The following PKIA variants were observed in gnomAD, a reference collection of about 807,000 sequenced individuals.
PKIA encodes cAMP-dependent protein kinase inhibitor alpha.
Under a neutral mutation model 7.6 loss-of-function variants are expected in PKIA, and 4 were observed. The observed-to-expected ratio is 0.52, with a 90% CI of 0.26 to 1.20. The LOEUF is 1.20. PKIA is among the 50% of genes most tolerant of loss of function. The pLI is 0.13. For synonymous variants in PKIA, 21 were observed against 30.7 expected (o/e 0.68, Z 1.04); for missense variants, 73 against 86.2 (o/e 0.85, Z 0.61).
At chr8:78,518,609 G>A (rs907916115) in intron 1 of PKIA, among the ~76,000 whole-genome samples, 19 of 152,166 alleles carry the variant, frequency 1.2e-4, no homozygotes, top group East Asian at 9.6e-4. Flanking sequence ...GAGCAAGTGC[G>A]TGAGAATATC....
At chr8:78,535,872 T>C (rs1000255778) in intron 1 of PKIA, 2 of 152,118 alleles carry the variant, frequency 1.3e-5, no homozygotes, top group African/African-American at 4.8e-5. Context: ...CATCCCTGGA[T>C]TTTGGTATCT....
At chr8:78,557,762 G>A (rs774310882) in intron 1 of PKIA, among the ~76,000 whole-genome samples, 9 of 152,164 alleles carry the variant, frequency 5.9e-5, no homozygotes, top group Non-Finnish European at 1.0e-4. Flanking sequence ...AGCTATGTCA[G>A]GAACTTCAAT....
intron 1 of PKIA, among the ~76,000 whole-genome samples, chr8:78,537,941 T>G (rs1461299582): frequency 1.3e-5 from 2 of 152,000 alleles, no homozygotes; most frequent in African/African-American, 4.8e-5. Flanking sequence ...TTGTGAACCT[T>G]CTTGTCTTTC....
chr8:78,517,211 G>A (rs1809332974), intron 1 of PKIA, among the ~76,000 whole-genome samples: 1 of 151,986 alleles, frequency 6.6e-6, no homozygotes, highest in African/African-American at 2.4e-5. Flanking sequence ...TTTCTTATTC[G>A]GTATTCTCCC....
intron 1 of PKIA, among the ~76,000 whole-genome samples, chr8:78,553,520 C>G (rs774163817): frequency 1.3e-5 from 2 of 151,908 alleles, no homozygotes; most frequent in African/African-American, 2.4e-5. Context: ...ACTGCTGTCT[C>G]TTATGTAAAT....
intron 2 of PKIA, among the ~76,000 whole-genome samples, chr8:78,577,426 T>G (rs1807699843): frequency 6.6e-6 from 1 of 151,642 alleles, no homozygotes; most frequent in Non-Finnish European, 1.5e-5. Context: ...AAATAATCTA[T>G]GAAACAAATC....
intron 1 of PKIA, among the ~76,000 whole-genome samples, chr8:78,541,357 G>T (rs1036293281): frequency 7.2e-5 from 11 of 152,044 alleles, no homozygotes; most frequent in African/African-American, 2.7e-4. Flanking sequence ...CCACCTCAAA[G>T]AAGTATGAGG....
intron 1 of PKIA, among the ~76,000 whole-genome samples, chr8:78,568,408 A>G (rs1473696157): frequency 6.6e-6 from 1 of 152,180 alleles, no homozygotes; most frequent in Non-Finnish European, 1.5e-5. Flanking sequence ...GTATATAGTC[A>G]AACTTCAATT....
intron 1 of PKIA, among the ~76,000 whole-genome samples, chr8:78,564,318 C>T (rs140191966): frequency 3.3e-5 from 5 of 151,960 alleles, no homozygotes; most frequent in South Asian, 4.2e-4. Context: ...TGCCCTGTCA[C>T]GTGATTTTTC....
At chr8:78,535,684 G>A (rs1163850204) in intron 1 of PKIA, 1 of 152,110 alleles carries the variant, frequency 6.6e-6, no homozygotes, top group Non-Finnish European at 1.5e-5. Context: ...TCAGCCCTCC[G>A]AATCTGGGGT....
At chr8:78,530,058 T>C (rs1806355552) in intron 1 of PKIA, among the ~76,000 whole-genome samples, 1 of 151,994 alleles carries the variant, frequency 6.6e-6, no homozygotes, top group South Asian at 2.1e-4. Context: ...ATATTAAATA[T>C]AGTAGAAGAA....
chr8:78,553,454 G>GTGTCATTC (rs1359777912), intron 1 of PKIA, among the ~76,000 whole-genome samples: 1 of 151,898 alleles, frequency 6.6e-6, no homozygotes. Context: ...CTCTTAAGTG[G>GTGTCATTC]TGTCATTCTT....
At position 78,604,358 on chromosome 8, in the gene PKIA, G is replaced by A. The variant is rs1808424644; in HGVS notation, c.*2537G>A. On this transcript the variant is annotated 3_prime_UTR_variant, in exon 4 of 4. Transcript: ENST00000396418. ...CTTTAGAAGCTTAAAAAGCTAGTAA[G>A]TGATGAACTGAGGATTTGAACCCAT... 6.6e-6 allele frequency: 1 copy of A among 151,966 alleles called. No individual in the cohort carries two copies. 9.4% of individuals were successfully genotyped at this position (151,966 alleles called of 1,614,324 possible).
At chr8:78,568,814 A>G (rs563648272) in intron 1 of PKIA, among the ~76,000 whole-genome samples, 1 of 152,250 alleles carries the variant, frequency 6.6e-6, no homozygotes, top group South Asian at 2.1e-4. Flanking sequence ...TAAAACCCTA[A>G]TGAAACCATA....
At chr8:78,566,164 T>C (rs1333237028) in intron 1 of PKIA, among the ~76,000 whole-genome samples, 1 of 151,816 alleles carries the variant, frequency 6.6e-6, no homozygotes, top group East Asian at 1.9e-4. Context: ...GAGTAAGTTA[T>C]AGTAATTATT....
intron 1 of PKIA, among the ~76,000 whole-genome samples, chr8:78,545,858 A>C (rs1051807305): frequency 4.6e-5 from 7 of 152,186 alleles, no homozygotes; most frequent in Non-Finnish European, 7.4e-5. Context: ...TGGAAAGGGC[A>C]TGTTTCATCA....
At chr8:78,570,850 T>G (rs1217543149) in intron 1 of PKIA, among the ~76,000 whole-genome samples, 2 of 152,108 alleles carry the variant, frequency 1.3e-5, no homozygotes, top group Non-Finnish European at 2.9e-5. Context: ...GACTCAAAAA[T>G]TTACCTCTCC....
intron 1 of PKIA, among the ~76,000 whole-genome samples, chr8:78,517,100 C>T (rs553637872): frequency 6.6e-6 from 1 of 152,298 alleles, no homozygotes; most frequent in Admixed American, 6.5e-5. Flanking sequence ...TTCGGAGATG[C>T]TGTGCCCATT....
intron 1 of PKIA, among the ~76,000 whole-genome samples, chr8:78,529,408 A>G (rs1038569219): frequency 3.3e-5 from 5 of 152,202 alleles, no homozygotes; most frequent in Admixed American, 1.3e-4. Flanking sequence ...CTGAAGTATG[A>G]TCTATATTCC....
Sources: gnomAD v4.1 joint callset for allele counts (sites outside exome capture counted in the v4.1 genomes callset) on GRCh38, gnomAD v4.1.1 for gene constraint, MANE v1.5 for transcripts, NCBI Gene and HGNC (gene_info 2026-07-23, HGNC 2026-07-21) for gene names.